Variants in DAB1 observed in about 807,000 individuals in gnomAD.
DAB1 encodes the protein DAB adaptor protein 1.
In DAB1, 15 loss-of-function variants were observed where a neutral mutation model predicts 64.6. The observed-to-expected ratio is 0.23, with a 90% CI of 0.16 to 0.36. The LOEUF (loss-of-function observed/expected upper bound fraction) is 0.36, where lower values mean the gene tolerates loss of function less well. Among genes scored for constraint, DAB1 ranks in the 10% least tolerant of loss-of-function variants. The probability of loss-of-function intolerance (pLI) is 1.00; values close to 1 mark genes in which losing one functional copy is unlikely to be tolerated. For synonymous variants in DAB1, 235 were observed against 251.9 expected, an observed-to-expected ratio of 0.93 and a Z score of 0.64; for missense variants, 596 against 706.7, an observed-to-expected ratio of 0.84 and a Z score of 1.78.
intron 4 of DAB1, among the ~76,000 whole-genome samples, chr1:58,212,683 T>A (rs1452127036): frequency 6.6e-6 from 1 of 152,152 alleles, no homozygotes; most frequent in Non-Finnish European, 1.5e-5. Context: ...TCATATTAAC[T>A]TAATGGAGTA....
chr1:57,747,117 C>T (rs978195761), intron 6 of DAB1, among the ~76,000 whole-genome samples: 1 of 152,090 alleles, frequency 6.6e-6, no homozygotes, highest in Non-Finnish European at 1.5e-5. Flanking sequence ...CTCCATGACC[C>T]ATTTGAAGAC....
chr1:57,086,644 A>AACAC (rs368060919), intron 4 of DAB1, among the ~76,000 whole-genome samples: 25,633 of 118,398 alleles, frequency 0.22, 3,105 homozygotes, highest in East Asian at 0.27. Context: ...TTCTGTCTTA[A>AACAC]ACACACACAC....
intron 3 of DAB1, among the ~76,000 whole-genome samples, chr1:58,373,496 A>G (rs1474349390): frequency 6.6e-6 from 1 of 151,456 alleles, no homozygotes; most frequent in Non-Finnish European, 1.5e-5. Flanking sequence ...TACAAAGGAC[A>G]TGAACTCATC....
chr1:58,025,651 GTATATATATATATA>G (rs763787466), intron 5 of DAB1, among the ~76,000 whole-genome samples: 1,745 of 75,300 alleles, frequency 0.023, 26 homozygotes, highest in African/African-American at 0.047. Context: ...ATATATGTGT[GTATATATATATATA>G]TATATATATA....
At chr1:58,033,682 T>C (rs1387063875) in intron 5 of DAB1, among the ~76,000 whole-genome samples, 3 of 152,256 alleles carry the variant, frequency 2.0e-5, no homozygotes, top group Non-Finnish European at 4.4e-5. Context: ...AAGTACTGTA[T>C]AAATATTTGT....
intron 7 of DAB1, among the ~76,000 whole-genome samples, chr1:57,571,832 C>T (rs7530027): frequency 0.2 from 30,365 of 152,166 alleles, 3,399 homozygotes; most frequent in Non-Finnish European, 0.24. Context: ...GGTCTGGTTA[C>T]GGAGCAAGTC....
intron 1 of DAB1, among the ~76,000 whole-genome samples, chr1:57,409,735 G>T (rs1377614575): frequency 1.3e-5 from 2 of 152,194 alleles, no homozygotes; most frequent in Non-Finnish European, 2.9e-5. Context: ...CTTGAACCCA[G>T]GAGGTAGAGG....
At chr1:57,873,822 T>C (rs1643995899) in intron 1 of DAB1, 1 of 152,178 alleles carries the variant, frequency 6.6e-6, no homozygotes, top group South Asian at 2.1e-4. Flanking sequence ...TTATGCACAG[T>C]TATTGTATAT....
chr1:57,046,204 T>C (rs1373730316), intron 9 of DAB1, among the ~76,000 whole-genome samples: 1 of 152,204 alleles, frequency 6.6e-6, no homozygotes, highest in African/African-American at 2.4e-5. Flanking sequence ...TTTAAAAGTG[T>C]CAAAAATGAT....
At chr1:58,362,982 C>T (rs189293070) in intron 3 of DAB1, among the ~76,000 whole-genome samples, 73 of 152,302 alleles carry the variant, frequency 4.8e-4, no homozygotes, top group African/African-American at 1.5e-3. Flanking sequence ...TTCTGGCTTG[C>T]AGAGAGCTGC....
intron 6 of DAB1, among the ~76,000 whole-genome samples, chr1:57,714,140 C>T (rs1430572652): frequency 2.0e-5 from 3 of 150,804 alleles, no homozygotes; most frequent in Admixed American, 2.0e-4. Context: ...ATGAGCTATG[C>T]ATTTACTACT....
Position 57,561,187 on chromosome 1 carries a change from T to C in DAB1, n.625+88405A>G, listed in dbSNP as rs148086713. Among the ~76,000 whole-genome samples the C allele has an allele frequency of 8.8e-3, 1,337 of 152,168 alleles. 13 individuals are homozygous for C. Among genetic ancestry groups the C allele is most frequent in the African/African-American group, 0.031 (1,291 of 41,520 alleles). On this transcript the variant is annotated intron_variant and non_coding_transcript_variant, in intron 7 of 20. Coordinates refer to the DAB1 transcript ENST00000485760. ...CTCATGGGGAGTTCCCTATAATCAGTTGACAGAGGAAGAGAAGACTAGGGC... is the reference window on the plus strand; with the variant it reads ...CTCATGGGGAGTTCCCTATAATCAGCTGACAGAGGAAGAGAAGACTAGGGC...
intron 5 of DAB1, among the ~76,000 whole-genome samples, chr1:57,953,160 G>A (rs576831870): frequency 6.6e-6 from 1 of 152,096 alleles, no homozygotes; most frequent in South Asian, 2.1e-4. Context: ...TGCAGCCATG[G>A]GCAAACAAGT....
At chr1:57,707,092 C>A (rs1570756023) in intron 6 of DAB1, among the ~76,000 whole-genome samples, 1 of 151,748 alleles carries the variant, frequency 6.6e-6, no homozygotes, top group African/African-American at 2.4e-5. Context: ...AACAAACAAA[C>A]AAAAAAACCC....
intron 5 of DAB1, among the ~76,000 whole-genome samples, chr1:58,114,841 T>A (rs988775461): frequency 1.3e-5 from 2 of 152,212 alleles, no homozygotes; most frequent in African/African-American, 2.4e-5. Context: ...CTGTGCCAGT[T>A]GCTCATGGTT....
intron 4 of DAB1, among the ~76,000 whole-genome samples, chr1:57,109,740 C>T (rs1422028387): frequency 6.6e-6 from 1 of 152,200 alleles, no homozygotes; most frequent in Non-Finnish European, 1.5e-5. Flanking sequence ...TTATTTTTCT[C>T]TTATTCCTGA....
At chr1:57,180,268 T>A (rs1219461195) in intron 2 of DAB1, among the ~76,000 whole-genome samples, 2 of 152,224 alleles carry the variant, frequency 1.3e-5, no homozygotes, top group Non-Finnish European at 2.9e-5. Flanking sequence ...ACCTTCTAAC[T>A]TGCTTTTCTC....
At chr1:57,294,087 A>G (rs1252181420) in intron 1 of DAB1, among the ~76,000 whole-genome samples, 1 of 152,202 alleles carries the variant, frequency 6.6e-6, no homozygotes, top group Non-Finnish European at 1.5e-5. Flanking sequence ...AATGCTGTGA[A>G]GTAACTCCAA....
chr1:58,121,945 C>G (rs1214421381), intron 5 of DAB1, among the ~76,000 whole-genome samples: 1 of 152,136 alleles, frequency 6.6e-6, no homozygotes, highest in Non-Finnish European at 1.5e-5. Context: ...CCTGAGTTCT[C>G]CCATGGCTCT....
Sources: gnomAD v4.1 joint callset for allele counts (sites outside exome capture counted in the v4.1 genomes callset) on GRCh38, gnomAD v4.1.1 for gene constraint, MANE v1.5 for transcripts, NCBI Gene and HGNC (gene_info 2026-07-23, HGNC 2026-07-21) for gene names.